Variants in TCF12 observed in about 807,000 individuals in gnomAD.
TCF12 encodes DNA-binding protein HTF4.
In TCF12, 45 loss-of-function variants were observed where a neutral mutation model predicts 86.0. That is an observed-to-expected ratio of 0.52 (90% confidence interval 0.41 to 0.67). The LOEUF (loss-of-function observed/expected upper bound fraction) is 0.67. Among genes scored for constraint, TCF12 ranks in the 30% least tolerant of loss-of-function variants. TCF12 has a pLI of 0.00. For missense variants in TCF12, 881 were observed against 859.9 expected (o/e 1.02, Z -0.31); for synonymous variants, 330 against 299.6 (o/e 1.10, Z -1.05).
At chr15:57,158,871 A>AT (rs1382570653) in intron 5 of TCF12, among the ~76,000 whole-genome samples, 11 of 152,342 alleles carry the variant, frequency 7.2e-5, no homozygotes, top group African/African-American at 2.4e-4. Flanking sequence ...GGCACTAGAT[A>AT]TTTAAGCATC....
intron 3 of TCF12, among the ~76,000 whole-genome samples, chr15:56,968,818 T>C (rs1348848386): frequency 6.6e-6 from 1 of 152,168 alleles, no homozygotes; most frequent in Non-Finnish European, 1.5e-5. Context: ...TTTATACATT[T>C]TAGGGAGACA....
intron 9 of TCF12, 128 bp from the exon 10 acceptor site, chr15:57,232,163 G>T (rs1253468459): frequency 3.2e-6 from 3 of 927,308 alleles, no homozygotes; most frequent in Non-Finnish European, 5.0e-6. Context: ...AAGAACAGTG[G>T]GTAGAAGACT....
At position 57,253,263 on chromosome 15, in the gene TCF12, AG is replaced by A; in HGVS notation, c.1263del (p.Gln421HisfsTer8). ...AMSFLKDVCE[Q>X]SRMEDRLDRL... Reference sequence around the variant, plus strand: ...ATGTTTTTTTTTTAATCCATACAGCAGTCTCGAATGGAGGATCGTTTAGACA... The same window carrying A: ...ATGTTTTTTTTTTAATCCATACAGCATCTCGAATGGAGGATCGTTTAGACA... On this transcript the variant is annotated frameshift_variant and splice_region_variant, in exon 16 of 21. Transcript: ENST00000333725. LOFTEE classifies it high-confidence loss of function. 1 of 1,613,944 alleles carries A rather than the reference AG, an allele frequency of 6.2e-7. No individual in the cohort carries two copies. Among genetic ancestry groups the A allele is most frequent in the Non-Finnish European group, 8.5e-7 (1 of 1,179,876 alleles).
At chr15:56,977,565 A>G (rs1642938) in intron 3 of TCF12, among the ~76,000 whole-genome samples, 129,502 of 146,854 alleles carry the variant, frequency 0.88, 56,611 homozygotes, top group East Asian at 0.96. Context: ...GTGTGTGTGT[A>G]TGTATGTGTG....
At chr15:56,936,008 A>G (rs1474978712) in intron 3 of TCF12, among the ~76,000 whole-genome samples, 2 of 152,222 alleles carry the variant, frequency 1.3e-5, no homozygotes, top group Non-Finnish European at 2.9e-5. Context: ...GTAGATACCC[A>G]ATAATGGGAT....
At chr15:57,256,589 A>G (rs1437523475) in intron 16 of TCF12, among the ~76,000 whole-genome samples, 5 of 104,272 alleles carry the variant, frequency 4.8e-5, no homozygotes, top group Non-Finnish European at 6.9e-5. Context: ...TTGGTCTCTT[A>G]TAACTTTCCA....
At chr15:57,233,062 T>A (rs1195313545) in intron 11 of TCF12, among the ~76,000 whole-genome samples, 1 of 122,018 alleles carries the variant, frequency 8.2e-6, no homozygotes, top group Non-Finnish European at 2.0e-5. Flanking sequence ...ATGTGTTATA[T>A]ATGTATATGT....
At chr15:56,937,843 G>C (rs747770948) in intron 3 of TCF12, among the ~76,000 whole-genome samples, 20 of 151,932 alleles carry the variant, frequency 1.3e-4, no homozygotes, top group Non-Finnish European at 2.2e-4. Flanking sequence ...TGTTTGTGTG[G>C]TGTATCACAT....
At chr15:56,974,041 G>A (rs2062475499) in intron 3 of TCF12, among the ~76,000 whole-genome samples, 1 of 152,094 alleles carries the variant, frequency 6.6e-6, no homozygotes. Flanking sequence ...ACAAATAAGT[G>A]CGTTCAGTGT....
At chr15:56,980,629 T>C (rs1215968286) in intron 3 of TCF12, among the ~76,000 whole-genome samples, 1 of 152,228 alleles carries the variant, frequency 6.6e-6, no homozygotes, top group African/African-American at 2.4e-5. Flanking sequence ...ATAGTCTTTA[T>C]CTGACACCTT....
chr15:57,147,423 ATAGT>A (rs1365574753), intron 5 of TCF12, among the ~76,000 whole-genome samples: 3 of 152,162 alleles, frequency 2.0e-5, no homozygotes, highest in Non-Finnish European at 4.4e-5. Context: ...TGATCCCCAA[ATAGT>A]TTGTTTTTTA....
At chr15:57,216,131 C>T (rs1323387634) in intron 8 of TCF12, among the ~76,000 whole-genome samples, 1 of 152,084 alleles carries the variant, frequency 6.6e-6, no homozygotes, top group African/African-American at 2.4e-5. Context: ...AACATAACAT[C>T]CTGATAACAT....
intron 5 of TCF12, among the ~76,000 whole-genome samples, chr15:57,114,992 A>G (rs1176724006): frequency 6.6e-6 from 1 of 152,060 alleles, no homozygotes; most frequent in Non-Finnish European, 1.5e-5. Flanking sequence ...CTCTCTGTTT[A>G]TGTTGCATGA....
intron 20 of TCF12, among the ~76,000 whole-genome samples, chr15:57,285,869 G>A (rs893384146): frequency 5.3e-5 from 8 of 152,154 alleles, no homozygotes; most frequent in Admixed American, 2.0e-4. Flanking sequence ...TGAAGGCTGC[G>A]TTGAGCCATG....
chr15:57,201,777 T>G (rs1251535029), intron 8 of TCF12, among the ~76,000 whole-genome samples: 2 of 152,170 alleles, frequency 1.3e-5, no homozygotes, highest in Non-Finnish European at 2.9e-5. Flanking sequence ...ACTTCCGTTT[T>G]AGGGTTCTTA....
intron 8 of TCF12, among the ~76,000 whole-genome samples, chr15:57,202,426 T>C (rs940349115): frequency 6.6e-5 from 10 of 151,860 alleles, no homozygotes; most frequent in Admixed American, 6.6e-4. Flanking sequence ...ATTTTATTTA[T>C]CTGCCCTCAG....
At chr15:56,936,183 T>C (rs1420281743) in intron 3 of TCF12, among the ~76,000 whole-genome samples, 1 of 152,136 alleles carries the variant, frequency 6.6e-6, no homozygotes, top group Non-Finnish European at 1.5e-5. Flanking sequence ...CTTGTGAGAG[T>C]AAGGTGGTAT....
chr15:56,962,428 AGTTACTG>A (rs2061806164), intron 3 of TCF12, among the ~76,000 whole-genome samples: 1 of 152,164 alleles, frequency 6.6e-6, no homozygotes, highest in African/African-American at 2.4e-5. Context: ...TAGTCTTTAG[AGTTACTG>A]ATCTTCAATT....
rs1019894006 is a variant in TCF12, at chr15:57,076,728, T to A, written c.222+12905T>A. Among the ~76,000 whole-genome samples the A allele has an allele frequency of 3.3e-5, 5 of 151,958 alleles. No individual in the cohort carries two copies. In the East Asian group the frequency reaches 9.6e-4, roughly 29 times the overall value. ...AATTCCCTCGATATTACTTAAGAAA[T>A]GTAGTTTGACTGCTAGTAGCAGTCT... On this transcript the variant is annotated intron_variant, in intron 4 of 20. Coordinates refer to ENST00000333725, the MANE Select transcript of TCF12 (RefSeq NM_207037.2).
Sources: gnomAD v4.1 joint callset for allele counts (sites outside exome capture counted in the v4.1 genomes callset) on GRCh38, gnomAD v4.1.1 for gene constraint, MANE v1.5 for transcripts, NCBI Gene and HGNC (gene_info 2026-07-23, HGNC 2026-07-21) for gene names.